Variants in TMEM182 observed in about 807,000 individuals in gnomAD.
TMEM182 encodes transmembrane protein 182.
In TMEM182, 20 loss-of-function variants were observed where a neutral mutation model predicts 26.8. That is an observed-to-expected ratio of 0.75 (90% confidence interval 0.53 to 1.09). The LOEUF is 1.09. Ranked by LOEUF, TMEM182 falls within the 50% of genes least tolerant of loss-of-function variation. The pLI, the probability that TMEM182 is intolerant of heterozygous loss-of-function variation, is 0.00. For synonymous variants in TMEM182, 109 were observed against 102.2 expected (o/e 1.07, Z -0.40); for missense variants, 277 against 275.5 (o/e 1.01, Z -0.04).
intron 3 of TMEM182, among the ~76,000 whole-genome samples, chr2:102,792,438 G>A (rs1048208909): frequency 1.1e-4 from 16 of 152,118 alleles, no homozygotes; most frequent in African/African-American, 3.9e-4. Context: ...CCCATATCAT[G>A]TTTCAGTTCC....
intron 3 of TMEM182, among the ~76,000 whole-genome samples, chr2:102,825,242 T>TAC (rs1683011758): frequency 6.6e-6 from 1 of 152,196 alleles, no homozygotes; most frequent in Non-Finnish European, 1.5e-5. Context: ...TGTTTTTCTT[T>TAC]ACAAAAGTAA....
chr2:102,819,784 A>G (rs1682873352), downstream of TMEM182, among the ~76,000 whole-genome samples: 1 of 152,192 alleles, frequency 6.6e-6, no homozygotes, highest in Non-Finnish European at 1.5e-5. Flanking sequence ...GTTTTGCTGG[A>G]AAGGAGGGCA....
chr2:102,798,079 C>T (rs1253887759), intron 4 of TMEM182, 79 bp downstream of exon 4: 63 of 1,511,042 alleles, frequency 4.2e-5, no homozygotes, highest in Middle Eastern at 1.8e-4. Flanking sequence ...TATATTCAGG[C>T]GTCAGCCTTC....
At chr2:102,782,229 G>A (rs943548026) in intron 3 of TMEM182, among the ~76,000 whole-genome samples, 4 of 152,030 alleles carry the variant, frequency 2.6e-5, no homozygotes, top group African/African-American at 9.7e-5. Flanking sequence ...TCACTTGAGA[G>A]GCAGGAGAAT....
At chr2:102,809,279 G>C (rs759256509) in intron 4 of TMEM182, among the ~76,000 whole-genome samples, 12 of 152,154 alleles carry the variant, frequency 7.9e-5, no homozygotes, top group Non-Finnish European at 1.3e-4. Context: ...ATCTGCAGAA[G>C]GCATTCCCAG....
intron 3 of TMEM182, among the ~76,000 whole-genome samples, chr2:102,832,845 A>G (rs17779981): frequency 0.047 from 7,181 of 152,294 alleles, 277 homozygotes; most frequent in Middle Eastern, 0.092. Context: ...CAATGTGGTA[A>G]TTTTTTGAAT....
chr2:102,806,485 G>T (rs1190423794), intron 4 of TMEM182, among the ~76,000 whole-genome samples: 4 of 152,086 alleles, frequency 2.6e-5, no homozygotes, highest in Non-Finnish European at 5.9e-5. Context: ...ATGCATTGGA[G>T]GTCATCATTC....
At chr2:102,758,395 T>C (rs144247712), upstream of TMEM182, 1,114 of 708,040 alleles carry the variant, frequency 1.6e-3, 8 homozygotes, top group African/African-American at 7.7e-3. Flanking sequence ...TTAGGAATCA[T>C]GGAAAACTAG....
At chr2:102,811,118 G>T (rs571831526) in intron 4 of TMEM182, among the ~76,000 whole-genome samples, 1 of 148,540 alleles carries the variant, frequency 6.7e-6, no homozygotes, top group African/African-American at 2.5e-5. Flanking sequence ...TGTTGCTTGA[G>T]TCTCCATTAA....
intron 3 of TMEM182, chr2:102,834,367 T>G (rs1683204141): frequency 1.0e-6 from 1 of 985,142 alleles, no homozygotes; most frequent in Non-Finnish European, 1.2e-6. Flanking sequence ...TTCCCTTTTT[T>G]TTTCCTTCTG....
chr2:102,821,259 T>C (rs1000527589), downstream of TMEM182, among the ~76,000 whole-genome samples: 1 of 152,216 alleles, frequency 6.6e-6, no homozygotes, highest in Non-Finnish European at 1.5e-5. Flanking sequence ...GTGGTTGATA[T>C]AGTTTGAGTA....
At chr2:102,780,750 A>ACC (rs1172898548) in intron 3 of TMEM182, among the ~76,000 whole-genome samples, 1 of 152,084 alleles carries the variant, frequency 6.6e-6, no homozygotes, top group Non-Finnish European at 1.5e-5. Context: ...CCTTGTTACA[A>ACC]ACTGTGGAGG....
At chr2:102,799,170 T>G (rs1274195233) in intron 4 of TMEM182, among the ~76,000 whole-genome samples, 1 of 152,088 alleles carries the variant, frequency 6.6e-6, no homozygotes, top group Non-Finnish European at 1.5e-5. Context: ...CAAACCAGAG[T>G]GACAGAGTGC....
At chr2:102,830,944 G>A (rs1039723055) in intron 3 of TMEM182, among the ~76,000 whole-genome samples, 2 of 152,076 alleles carry the variant, frequency 1.3e-5, no homozygotes, top group African/African-American at 4.8e-5. Flanking sequence ...CCACAAATAA[G>A]TGAGAACACG....
chr2:102,775,052 C>T (rs1680851512), intron 3 of TMEM182: 1 of 151,922 alleles, frequency 6.6e-6, no homozygotes, highest in Non-Finnish European at 1.5e-5. Flanking sequence ...TATATTAAAC[C>T]CACCTGGGGA....
At chr2:102,786,115 A>G (rs1681377626) in intron 3 of TMEM182, among the ~76,000 whole-genome samples, 1 of 150,098 alleles carries the variant, frequency 6.7e-6, no homozygotes, top group Non-Finnish European at 1.5e-5. Context: ...AGAATTGGGC[A>G]GGAGGATTTA....
chr2:102,793,058 G>A (rs1205895429), intron 3 of TMEM182, among the ~76,000 whole-genome samples: 1 of 152,162 alleles, frequency 6.6e-6, no homozygotes, highest in African/African-American at 2.4e-5. Flanking sequence ...GGATCCCTGA[G>A]CCTGGGCTTC....
At chr2:102,740,311 C>T (rs1426936377) in intron 1 of TMEM182, among the ~76,000 whole-genome samples, 2 of 152,146 alleles carry the variant, frequency 1.3e-5, no homozygotes, top group Non-Finnish European at 1.5e-5. Context: ...ATAATTGAAT[C>T]ATGGAGGTGG....
chr2:102,802,736 C>G (rs17027985), intron 4 of TMEM182, among the ~76,000 whole-genome samples: 20,433 of 152,240 alleles, frequency 0.13, 1,768 homozygotes, highest in East Asian at 0.22. Context: ...AACATCAACA[C>G]AGCAATTTCT....
Sources: gnomAD v4.1 joint callset for allele counts (sites outside exome capture counted in the v4.1 genomes callset) on GRCh38, gnomAD v4.1.1 for gene constraint, MANE v1.5 for transcripts, NCBI Gene and HGNC (gene_info 2026-07-23, HGNC 2026-07-21) for gene names.